The following GLI3 variants were observed in gnomAD, a reference collection of about 807,000 sequenced individuals.
GLI3 encodes the protein transcription activator GLI3.
Under a neutral mutation model 100.8 loss-of-function variants are expected in GLI3, and 20 were observed. The ratio of observed to expected loss-of-function variants is 0.20; its 90% CI spans 0.14 to 0.29. GLI3 has a LOEUF of 0.29. Among genes scored for constraint, GLI3 ranks in the 10% least tolerant of loss-of-function variants. The pLI, the probability that GLI3 is intolerant of heterozygous loss-of-function variation, is 1.00. For synonymous variants in GLI3, 938 were observed against 860.5 expected (o/e 1.09, Z -1.58); for missense variants, 2,040 against 2,128.5 (o/e 0.96, Z 0.82).
intron 2 of GLI3, among the ~76,000 whole-genome samples, chr7:42,183,448 C>T (rs1296383522): frequency 1.3e-5 from 2 of 152,162 alleles, no homozygotes; most frequent in East Asian, 3.9e-4. Context: ...CTCGTCATTA[C>T]CTTATCTTAC....
At chr7:42,192,134 T>A (rs1428214262) in intron 2 of GLI3, among the ~76,000 whole-genome samples, 1 of 152,164 alleles carries the variant, frequency 6.6e-6, no homozygotes, top group African/African-American at 2.4e-5. Context: ...AAATAATAGA[T>A]TTAACACAAT....
At chr7:42,123,036 A>G (rs1471521429) in intron 3 of GLI3, among the ~76,000 whole-genome samples, 1 of 152,248 alleles carries the variant, frequency 6.6e-6, no homozygotes, top group Non-Finnish European at 1.5e-5. Flanking sequence ...CACAAGTGCT[A>G]ACAAAATATT....
intron 4 of GLI3, among the ~76,000 whole-genome samples, chr7:42,054,267 G>C (rs1293877918): frequency 2.0e-5 from 3 of 152,158 alleles, no homozygotes; most frequent in Non-Finnish European, 4.4e-5. Context: ...TTCTGAGTTA[G>C]AATGAAATAT....
chr7:42,037,370 C>T (rs1784034904), intron 7 of GLI3, among the ~76,000 whole-genome samples: 2 of 152,182 alleles, frequency 1.3e-5, no homozygotes, highest in Admixed American at 1.3e-4. Context: ...GGTGCTACCA[C>T]TAACTGATTA....
At chr7:42,134,807 C>T (rs1786386685) in intron 3 of GLI3, among the ~76,000 whole-genome samples, 1 of 152,062 alleles carries the variant, frequency 6.6e-6, no homozygotes, top group African/African-American at 2.4e-5. Flanking sequence ...TTCAGGGGAG[C>T]ATTTCAGATT....
At chr7:42,198,948 AAAAAG>A (rs2128691790) in intron 2 of GLI3, among the ~76,000 whole-genome samples, 1 of 150,120 alleles carries the variant, frequency 6.7e-6, no homozygotes, top group African/African-American at 2.5e-5. Flanking sequence ...TTTTTTAACT[AAAAAG>A]AAAAGACTTG....
chr7:42,009,974 T>C (rs1289206192), intron 10 of GLI3, among the ~76,000 whole-genome samples: 15 of 152,318 alleles, frequency 9.8e-5, no homozygotes. Flanking sequence ...TTCCACATAT[T>C]TACTTTCTTT....
intron 1 of GLI3, among the ~76,000 whole-genome samples, chr7:42,263,161 G>A (rs1028759915): frequency 2.0e-5 from 3 of 152,168 alleles, no homozygotes; most frequent in South Asian, 2.1e-4. Context: ...AGCTGGTCTC[G>A]TGTACGCCTT....
At chr7:42,142,707 C>T (rs1786597937) in intron 3 of GLI3, among the ~76,000 whole-genome samples, 1 of 151,214 alleles carries the variant, frequency 6.6e-6, no homozygotes, top group East Asian at 1.9e-4. Flanking sequence ...AGTTGTCTTG[C>T]AATGCAGCTC....
At chr7:41,978,545 C>G in intron 11 of GLI3, 54 bp downstream of exon 11, 1 of 1,574,218 alleles carries the variant, frequency 6.4e-7, no homozygotes, top group Non-Finnish European at 8.7e-7. Context: ...TTGCACAGCT[C>G]TTATGAGTAT....
At chr7:42,210,357 G>T in intron 2 of GLI3, among the ~76,000 whole-genome samples, 1 of 55,876 alleles carries the variant, frequency 1.8e-5, no homozygotes, top group Non-Finnish European at 3.3e-5. Flanking sequence ...CCCCCCCCAA[G>T]TTAAAATAAG....
chr7:42,077,581 G>C (rs566499002), intron 3 of GLI3, among the ~76,000 whole-genome samples: 1 of 151,994 alleles, frequency 6.6e-6, no homozygotes, highest in African/African-American at 2.4e-5. Context: ...CATTCACCTT[G>C]GACCCAGGCC....
intron 2 of GLI3, among the ~76,000 whole-genome samples, chr7:42,163,754 A>G (rs846401): frequency 0.47 from 72,091 of 151,880 alleles, 18,202 homozygotes; most frequent in African/African-American, 0.66. Context: ...TTTTTTACAC[A>G]TCACAACCAC....
rs769100742 is a variant in GLI3, at chr7:41,965,963, G to T, written c.3110C>A (p.Thr1037Lys). 4.3e-6 allele frequency: 7 copies of T among 1,609,824 alleles called. No homozygotes were observed. In the South Asian group the frequency reaches 5.5e-5, roughly 13 times the overall value. ...LSSCNPPAMA[T>K]SAEKRSLVLQ... ...CACGAGACTGCGCTTCTCCGCGGAC[G>T]TGGCCATCGCCGGGGGGTTGCAGCT... The change falls in exon 15 of 15, where the codon ACG (threonine) becomes AAG (lysine). Residue 1037 changes from threonine (T) to lysine (K), a missense_variant. Physicochemically the swap from Thr to Lys is moderately conservative, Grantham distance 78 (BLOSUM62 -1). This residue lies in a region of GLI3 where 1,041 missense variants were observed against 924.0 expected (regional missense o/e 1.13). Coordinates refer to ENST00000395925, the MANE Select transcript of GLI3 (RefSeq NM_000168.6).
At chr7:42,093,839 ACT>A (rs1434733535) in intron 3 of GLI3, among the ~76,000 whole-genome samples, 2 of 151,998 alleles carry the variant, frequency 1.3e-5, no homozygotes, top group African/African-American at 4.8e-5. Context: ...AAGAATAAAC[ACT>A]GTTTCTTTAT....
chr7:42,122,590 T>C (rs930304827), intron 3 of GLI3, among the ~76,000 whole-genome samples: 4 of 152,168 alleles, frequency 2.6e-5, no homozygotes, highest in African/African-American at 4.8e-5. Flanking sequence ...GTTAAGTGAC[T>C]TACACAAGTC....
intron 2 of GLI3, 64 bp downstream of exon 2, chr7:42,223,066 A>G: frequency 1.3e-6 from 2 of 1,595,120 alleles, no homozygotes; most frequent in Non-Finnish European, 1.7e-6. Flanking sequence ...CTCAATTCAC[A>G]AGGAATGCAG....
chr7:42,188,356 C>G (rs539292430), intron 2 of GLI3, among the ~76,000 whole-genome samples: 13 of 152,298 alleles, frequency 8.5e-5, no homozygotes, highest in South Asian at 8.3e-4. Flanking sequence ...TAAATACACA[C>G]ACCGCTGGTA....
intron 3 of GLI3, among the ~76,000 whole-genome samples, chr7:42,101,224 C>CT (rs1268996480): frequency 3.7e-4 from 56 of 152,306 alleles, no homozygotes; most frequent in African/African-American, 1.3e-3. Flanking sequence ...TGTGAAGCAT[C>CT]TATTCCTTCT....
Sources: allele counts gnomAD v4.1 joint callset (sites outside exome capture counted in the v4.1 genomes callset), GRCh38; gene constraint gnomAD v4.1.1; regional missense constraint gnomAD v4.1.1; transcripts MANE v1.5; gene names NCBI Gene and HGNC (gene_info 2026-07-23, HGNC 2026-07-21).